PDE3B: variants seen among roughly 807,000 people sequenced by gnomAD.
The protein encoded by PDE3B is phosphodiesterase 3B, also known as cGMP-inhibited 3',5'-cyclic phosphodiesterase 3B.
In PDE3B, 66 loss-of-function variants were observed where a neutral mutation model predicts 116.8. That is an observed-to-expected ratio of 0.56 (90% CI 0.46 to 0.69). The LOEUF (loss-of-function observed/expected upper bound fraction) is 0.69, where lower values mean the gene tolerates loss of function less well. Among genes scored for constraint, PDE3B ranks in the 30% least tolerant of loss-of-function variants. The probability of loss-of-function intolerance (pLI) is 0.00; values close to 1 mark genes in which losing one functional copy is unlikely to be tolerated. For synonymous variants in PDE3B, 595 were observed against 533.6 expected (o/e 1.12, Z -1.59); for missense variants, 1,384 against 1,368.1 (o/e 1.01, Z -0.18).
At chr11:14,721,395 A>C (rs1040452089) in intron 1 of PDE3B, among the ~76,000 whole-genome samples, 12 of 151,066 alleles carry the variant, frequency 7.9e-5, no homozygotes, top group Non-Finnish European at 1.5e-4. Context: ...AACTAGAAAT[A>C]CCATTTGACC....
intron 1 of PDE3B, among the ~76,000 whole-genome samples, chr11:14,758,604 TTG>T (rs1294878491): frequency 1.4e-5 from 2 of 145,836 alleles, no homozygotes; most frequent in African/African-American, 2.6e-5. Context: ...GGCTCTCTGT[TTG>T]TCTGTTGTTG....
At chr11:14,780,488 A>G (rs1013267021) in intron 2 of PDE3B, among the ~76,000 whole-genome samples, 1 of 152,252 alleles carries the variant, frequency 6.6e-6, no homozygotes, top group African/African-American at 2.4e-5. Flanking sequence ...GTGCAGTCAA[A>G]CTGGAACTCA....
At chr11:14,891,638 G>A in the PDE3B span, 2 of 1,108,482 alleles carry the variant, frequency 1.8e-6, no homozygotes, top group Non-Finnish European at 2.2e-6. Context: ...CTGAGGGCAT[G>A]CGTCCACCCT....
the PDE3B span, chr11:14,891,821 C>G: frequency 4.1e-6 from 4 of 972,500 alleles, no homozygotes; most frequent in Non-Finnish European, 3.7e-6. Context: ...GGACTTCTCC[C>G]TTCCAGACCC....
intron 12 of PDE3B, among the ~76,000 whole-genome samples, chr11:14,844,366 C>T (rs962026637): frequency 7.2e-5 from 11 of 152,152 alleles, no homozygotes; most frequent in Non-Finnish European, 1.3e-4. Context: ...CCAAGATGGC[C>T]GAATAGGAAC....
chr11:14,816,769 CAT>C (rs1232315751), intron 5 of PDE3B, among the ~76,000 whole-genome samples: 1 of 152,222 alleles, frequency 6.6e-6, no homozygotes, highest in African/African-American at 2.4e-5. Context: ...ATTGCATTAA[CAT>C]ATGATGTTAT....
intron 14 of PDE3B, among the ~76,000 whole-genome samples, chr11:14,865,767 A>T (rs1281284505): frequency 1.3e-5 from 2 of 152,104 alleles, no homozygotes; most frequent in Admixed American, 1.3e-4. Context: ...TCGCCCATGG[A>T]TCTCATGTTT....
At chr11:14,783,702 G>A (rs993664734) in intron 2 of PDE3B, among the ~76,000 whole-genome samples, 1 of 151,902 alleles carries the variant, frequency 6.6e-6, no homozygotes, top group African/African-American at 2.4e-5. Context: ...CATGGCACAT[G>A]TATACATATG....
At position 14,804,811 on chromosome 11, in the gene PDE3B, C is replaced by T. The variant is rs530432184; in HGVS notation, c.1522+761C>T. Among the ~76,000 whole-genome samples the T allele has an allele frequency of 2.6e-5, 4 of 151,866 alleles. No individual in the cohort carries two copies. In the South Asian group the frequency reaches 6.2e-4, roughly 24 times the overall value. Reference sequence around the variant, plus strand: ...TAATGGCCAAAATGAATGGATACTTCGAATAGAGAACTAGAACACATAGAA... The same window carrying T: ...TAATGGCCAAAATGAATGGATACTTTGAATAGAGAACTAGAACACATAGAA... On this transcript the variant is annotated intron_variant, in intron 5 of 15. Coordinates refer to ENST00000282096, the MANE Select transcript of PDE3B (RefSeq NM_000922.4).
Position 14,654,833 on chromosome 11 carries a change from G to C in PDE3B, c.978+9780G>C, listed in dbSNP as rs926910652. Among the ~76,000 whole-genome samples the C allele has an allele frequency of 3.9e-4, 54 of 137,564 alleles. No individual in the cohort carries two copies. The South Asian group carries it at 8.5e-3, about 22-fold the overall frequency. 90.2% of individuals were successfully genotyped at this position (137,564 alleles called of 152,430 possible). A position where few individuals can be genotyped will look rare whatever the true frequency, so the allele number is the denominator to read the frequency against. On this transcript the variant is annotated intron_variant, in intron 1 of 15. Transcript: ENST00000282096. ...ACACACACACACACACACACACACA[G>C]AGCTAGTGCAACTGCTGAAAGAGTA...
At chr11:14,666,076 A>G (rs1449318426) in intron 1 of PDE3B, among the ~76,000 whole-genome samples, 3 of 151,892 alleles carry the variant, frequency 2.0e-5, no homozygotes, top group Non-Finnish European at 4.4e-5. Flanking sequence ...TACTGGTACC[A>G]AAACAGAGAT....
intron 12 of PDE3B, among the ~76,000 whole-genome samples, chr11:14,855,286 A>C (rs1827308587): frequency 6.6e-6 from 1 of 152,278 alleles, no homozygotes; most frequent in East Asian, 1.9e-4. Context: ...GAATAGAGAA[A>C]AAAATTCAAA....
chr11:14,688,150 T>C, intron 1 of PDE3B, among the ~76,000 whole-genome samples: 5 of 121,884 alleles, frequency 4.1e-5, no homozygotes, highest in South Asian at 3.3e-4. Flanking sequence ...TCTCCCTCCC[T>C]CCCTCCATCC....
chr11:14,667,293 G>T (rs1452284421), intron 1 of PDE3B, among the ~76,000 whole-genome samples: 3 of 151,108 alleles, frequency 2.0e-5, no homozygotes, highest in Non-Finnish European at 4.4e-5. Flanking sequence ...GTGGGGTGGG[G>T]GGAGTGGGGA....
intron 7 of PDE3B, among the ~76,000 whole-genome samples, chr11:14,819,816 G>A (rs977084002): frequency 6.6e-6 from 1 of 152,046 alleles, no homozygotes; most frequent in Non-Finnish European, 1.5e-5. Flanking sequence ...AAGATCTGTT[G>A]GAAGACAGAA....
intron 1 of PDE3B, among the ~76,000 whole-genome samples, chr11:14,766,060 A>G (rs1857485792): frequency 6.6e-6 from 1 of 151,642 alleles, no homozygotes; most frequent in Non-Finnish European, 1.5e-5. Context: ...TGCATTCCGT[A>G]TGCGTGGTAG....
intron 5 of PDE3B, among the ~76,000 whole-genome samples, chr11:14,814,830 C>T (rs141370464): frequency 0.05 from 7,537 of 152,082 alleles, 261 homozygotes; most frequent in Non-Finnish European, 0.074. Flanking sequence ...GGCGTGGTGG[C>T]GGGCACCTGT....
intron 1 of PDE3B, among the ~76,000 whole-genome samples, chr11:14,682,631 A>G (rs1296158095): frequency 6.6e-6 from 1 of 152,182 alleles, no homozygotes; most frequent in East Asian, 1.9e-4. Flanking sequence ...ATATTGGTCA[A>G]TTTAAAAAAT....
At chr11:14,737,873 G>T (rs896575976) in intron 1 of PDE3B, among the ~76,000 whole-genome samples, 11 of 147,060 alleles carry the variant, frequency 7.5e-5, no homozygotes, top group East Asian at 2.0e-4. Flanking sequence ...GCGGTGTTTG[G>T]TTTTTTGTCC....
Sources: allele counts gnomAD v4.1 joint callset (sites outside exome capture counted in the v4.1 genomes callset), GRCh38; gene constraint gnomAD v4.1.1; transcripts MANE v1.5; gene names NCBI Gene and HGNC (gene_info 2026-07-23, HGNC 2026-07-21).